Variants in MPRIP observed in about 807,000 individuals in gnomAD.
The protein encoded by MPRIP is myosin phosphatase Rho interacting protein, also known as myosin phosphatase Rho-interacting protein.
Under a neutral mutation model 234.9 loss-of-function variants are expected in MPRIP, and 59 were observed. That is an observed-to-expected ratio of 0.25 (90% confidence interval 0.20 to 0.31). The LOEUF (loss-of-function observed/expected upper bound fraction) is 0.31, where lower values mean the gene tolerates loss of function less well. Among genes scored for constraint, MPRIP ranks in the 10% least tolerant of loss-of-function variants. The probability of loss-of-function intolerance (pLI) is 1.00; values close to 1 mark genes in which losing one functional copy is unlikely to be tolerated. For synonymous variants in MPRIP, 1,144 were observed against 1,263.9 expected (o/e 0.91, Z 2.01); for missense variants, 2,436 against 3,071.0 (o/e 0.79, Z 4.89).
At chr17:17,180,550 G>T (rs995765179) in intron 23 of MPRIP, 55 of 1,514,232 alleles carry the variant, frequency 3.6e-5, no homozygotes, top group Non-Finnish European at 5.0e-5. Flanking sequence ...GGTGGGAGCG[G>T]CACCGCGTGT....
chr17:17,117,084 C>G (rs984672244), intron 3 of MPRIP, among the ~76,000 whole-genome samples: 1 of 152,210 alleles, frequency 6.6e-6, no homozygotes, highest in Non-Finnish European at 1.5e-5. Context: ...TGAGCCCTGC[C>G]TCTCTGCCAC....
Position 17,166,325 on chromosome 17 carries a change from G to A in MPRIP, c.4734G>A (p.Gln1578=), listed in dbSNP as rs1167423114. The A allele has an allele frequency of 7.7e-7, 1 of 1,304,442 alleles. No individual in the cohort carries two copies. The highest frequency in any genetic ancestry group is 1.5e-5 in the African/African-American group (1 of 65,888). 80.8% of individuals were successfully genotyped at this position (1,304,442 alleles called of 1,614,324 possible). ...QIALEASLIS[Q]IADSLKNTTS... Reference sequence around the variant, plus strand: ...CTCTGGAGGCCTCGCTGATCAGCCAGATAGCAGATTCCCTGAAGAACACAA... The same window carrying A: ...CTCTGGAGGCCTCGCTGATCAGCCAAATAGCAGATTCCCTGAAGAACACAA... The change falls in exon 16 of 24, where the codon CAG becomes CAA. Residue 1578 remains glutamine (Q), a synonymous_variant. Transcript: ENST00000651222. This position sits in a 1 kb window ranked among gnomAD's most constrained non-coding sequence, Gnocchi z 4.4.
chr17:17,047,673 T>A (rs1267978797), intron 1 of MPRIP, among the ~76,000 whole-genome samples: 1 of 152,102 alleles, frequency 6.6e-6, no homozygotes, highest in African/African-American at 2.4e-5. Context: ...GAGGTGGGTG[T>A]TGAGGAACCT....
intron 3 of MPRIP, among the ~76,000 whole-genome samples, chr17:17,093,737 T>G (rs528473915): frequency 6.6e-6 from 1 of 152,268 alleles, no homozygotes; most frequent in Non-Finnish European, 1.5e-5. Flanking sequence ...TCCTGAGTCC[T>G]GTTCCCAGAG....
intron 3 of MPRIP, among the ~76,000 whole-genome samples, chr17:17,103,334 A>T (rs927902211): frequency 6.6e-6 from 1 of 152,218 alleles, no homozygotes; most frequent in Non-Finnish European, 1.5e-5. Flanking sequence ...CCCCATCAGC[A>T]CTGCTGGGAA....
At position 17,165,179 on chromosome 17, in the gene MPRIP, T is replaced by A; in HGVS notation, c.3588T>A (p.Val1196=). The change falls in exon 16 of 24, where the codon GTT becomes GTA. Residue 1196 remains valine, a synonymous_variant. Transcript: ENST00000651222. ...TCAATGAGGCTTTGGTTAAAATGGTTGCCTTGGGGAGCAGCTTAGAGGAAA... is the reference window on the plus strand; with the variant it reads ...TCAATGAGGCTTTGGTTAAAATGGTAGCCTTGGGGAGCAGCTTAGAGGAAA... ...QDLNEALVKM[V]ALGSSLEETE... is the part of the protein sequence containing the mutation. The A allele has an allele frequency of 7.7e-7, 1 of 1,304,178 alleles. No homozygotes were observed. Among genetic ancestry groups the A allele is most frequent in the Non-Finnish European group, 1.0e-6 (1 of 988,964 alleles). The allele number at this position is 1,304,178 out of a possible 1,614,324, so 80.8% of individuals were successfully genotyped here.
At chr17:17,174,317 C>T (rs946031627) in intron 19 of MPRIP, among the ~76,000 whole-genome samples, 16 of 152,386 alleles carry the variant, frequency 1.0e-4, no homozygotes, top group African/African-American at 3.1e-4. Context: ...CCACGTGCAC[C>T]ACCTGCTTAC....
chr17:17,091,188 A>AG (rs2089708254), intron 3 of MPRIP, among the ~76,000 whole-genome samples: 1 of 152,072 alleles, frequency 6.6e-6, no homozygotes, highest in South Asian at 2.1e-4. Flanking sequence ...AGACCCACCG[A>AG]GGACGACCAT....
chr17:17,122,364 T>A (rs765719930), intron 3 of MPRIP, among the ~76,000 whole-genome samples: 4 of 152,198 alleles, frequency 2.6e-5, no homozygotes, highest in Non-Finnish European at 5.9e-5. Flanking sequence ...TTGTTTTGTT[T>A]TGTTTTTGAG....
chr17:17,112,274 G>A (rs1306703140), intron 3 of MPRIP, among the ~76,000 whole-genome samples: 1 of 152,156 alleles, frequency 6.6e-6, no homozygotes, highest in Non-Finnish European at 1.5e-5. Context: ...CCCAGGACAA[G>A]TCTCGAGCCT....
chr17:17,106,136 G>T (rs186343795), intron 3 of MPRIP, among the ~76,000 whole-genome samples: 4 of 152,172 alleles, frequency 2.6e-5, no homozygotes, highest in Admixed American at 6.5e-5. Context: ...AGTGTCTGCA[G>T]TGTTGCAGTG....
At chr17:17,045,084 G>C (rs573465122) in intron 1 of MPRIP, among the ~76,000 whole-genome samples, 99 of 152,186 alleles carry the variant, frequency 6.5e-4, no homozygotes, top group Middle Eastern at 6.8e-3. Flanking sequence ...TCAACCAATC[G>C]GTTCCCATCA....
chr17:17,059,307 T>C (rs1015794694), intron 1 of MPRIP, among the ~76,000 whole-genome samples: 1 of 152,164 alleles, frequency 6.6e-6, no homozygotes, highest in Non-Finnish European at 1.5e-5. Flanking sequence ...TGTACACTCA[T>C]GAAAGAGTGA....
At chr17:17,123,292 A>G (rs774851252) in intron 3 of MPRIP, among the ~76,000 whole-genome samples, 1 of 152,210 alleles carries the variant, frequency 6.6e-6, no homozygotes, top group Non-Finnish European at 1.5e-5. Flanking sequence ...CTCTGTGAAC[A>G]TGATGCTAAA....
chr17:17,083,851 C>G (rs2089523136), intron 3 of MPRIP, among the ~76,000 whole-genome samples: 1 of 152,152 alleles, frequency 6.6e-6, no homozygotes, highest in Non-Finnish European at 1.5e-5. Context: ...TCAAGTGATT[C>G]TCCTGCTTCA....
Position 17,143,652 on chromosome 17 carries a change from A to G in MPRIP, c.1486A>G (p.Thr496Ala), listed in dbSNP as rs775547308. 4 of 1,605,184 alleles carry G rather than the reference A, an allele frequency of 2.5e-6. No homozygotes were observed. In the East Asian group the frequency reaches 6.8e-5, roughly 27 times the overall value. ...AGCCAAGTCACTGGACAGGAGGTCC[A>G]CGGAGCCCTCCGTGACGGTGAGCCC... Reference protein sequence around the residue: ...RRAKSLDRRSTEPSVTPDLLN... With the variant: ...RRAKSLDRRSAEPSVTPDLLN... Residue 496 changes from threonine to alanine, a missense_variant, in exon 9 of 24, where the codon ACG (threonine) becomes GCG (alanine). This residue lies in a region of MPRIP where 1,998 missense variants were observed against 2,520.3 expected (regional missense o/e 0.79). Transcript: ENST00000651222.
chr17:17,102,872 T>C (rs1398850460), intron 3 of MPRIP, among the ~76,000 whole-genome samples: 2 of 152,258 alleles, frequency 1.3e-5, no homozygotes, highest in Non-Finnish European at 2.9e-5. Context: ...CATGTAATTC[T>C]TCTTCCTGCC....
intron 1 of MPRIP, among the ~76,000 whole-genome samples, chr17:17,067,377 A>G (rs1284272777): frequency 6.6e-6 from 1 of 152,140 alleles, no homozygotes; most frequent in Non-Finnish European, 1.5e-5. Flanking sequence ...CAACACCACC[A>G]CAGTCCATCT....
chr17:17,079,492 C>G (rs143218726), intron 3 of MPRIP, among the ~76,000 whole-genome samples: 1 of 152,350 alleles, frequency 6.6e-6, no homozygotes, highest in Non-Finnish European at 1.5e-5. Context: ...TCGTGTTCTC[C>G]TGGCTTAGCC....
Sources: allele counts gnomAD v4.1 joint callset (sites outside exome capture counted in the v4.1 genomes callset), GRCh38; gene constraint gnomAD v4.1.1; regional missense constraint gnomAD v4.1.1; non-coding constraint Gnocchi (gnomAD v3.1); transcripts MANE v1.5; gene names NCBI Gene and HGNC (gene_info 2026-07-23, HGNC 2026-07-21).